The following SMAP1 variants were observed in gnomAD, a reference collection of about 807,000 sequenced individuals.
SMAP1 encodes small ArfGAP 1, also known as stromal membrane-associated protein 1.
Under a neutral mutation model 58.5 loss-of-function variants are expected in SMAP1, and 24 were observed. That is an observed-to-expected ratio of 0.41 (90% confidence interval 0.30 to 0.58). The LOEUF (loss-of-function observed/expected upper bound fraction) is 0.58. Ranked by LOEUF, SMAP1 falls within the 20% of genes least tolerant of loss-of-function variation. The pLI, the probability that SMAP1 is intolerant of heterozygous loss-of-function variation, is 0.29. For missense variants in SMAP1, 563 were observed against 566.3 expected, an observed-to-expected ratio of 0.99 and a Z score of 0.06; for synonymous variants, 216 against 196.6, an observed-to-expected ratio of 1.10 and a Z score of -0.82.
At chr6:70,815,496 T>C (rs1324995181) in intron 6 of SMAP1, among the ~76,000 whole-genome samples, 2 of 152,180 alleles carry the variant, frequency 1.3e-5, no homozygotes, top group Admixed American at 6.5e-5. Flanking sequence ...AAAAACATTT[T>C]TAAGGTCCTC....
intron 1 of SMAP1, among the ~76,000 whole-genome samples, chr6:70,719,475 C>G (rs1037195236): frequency 1.3e-5 from 2 of 152,190 alleles, no homozygotes; most frequent in Non-Finnish European, 2.9e-5. Context: ...TTTTACCACA[C>G]TTATTCTCTT....
Position 70,857,044 on chromosome 6 carries a change from A to G in SMAP1, c.961+14A>G. On this transcript the variant is annotated intron_variant, in intron 9 of 10. Coordinates refer to ENST00000370455, the MANE Select transcript of SMAP1 (RefSeq NM_001044305.3). ...AAAGTACTCCTGGTAATGAATTTTG[A>G]TATCTGCTTTCAGTGACATTACTAG... 1.9e-6 allele frequency: 3 copies of G among 1,589,156 alleles called. No individual in the cohort carries two copies. The highest frequency in any genetic ancestry group is 1.2e-5 in the South Asian group (1 of 86,532).
chr6:70,828,508 TACA>T (rs1213346377), intron 6 of SMAP1, among the ~76,000 whole-genome samples: 3 of 152,210 alleles, frequency 2.0e-5, no homozygotes, highest in African/African-American at 7.2e-5. Flanking sequence ...GCCTCCCACC[TACA>T]ACAATGGTGG....
At chr6:70,837,606 C>G (rs933825693) in intron 7 of SMAP1, among the ~76,000 whole-genome samples, 2 of 150,696 alleles carry the variant, frequency 1.3e-5, no homozygotes, top group Admixed American at 6.6e-5. Context: ...AGTAAACAGG[C>G]CTTCATTCAA....
At chr6:70,793,731 A>AT (rs1216816903) in intron 5 of SMAP1, among the ~76,000 whole-genome samples, 1 of 150,922 alleles carries the variant, frequency 6.6e-6, no homozygotes, top group African/African-American at 2.4e-5. Flanking sequence ...TTATTTATTT[A>AT]TTTTTTTGAG....
chr6:70,806,068 G>A (rs1242839751), intron 6 of SMAP1, among the ~76,000 whole-genome samples: 3 of 152,228 alleles, frequency 2.0e-5, no homozygotes, highest in African/African-American at 7.2e-5. Flanking sequence ...GTTTAAGTCT[G>A]CAGAAGTTTC....
chr6:70,852,442 T>C (rs1771221056), intron 7 of SMAP1, 98 bp from the exon 8 acceptor site: 1 of 1,215,742 alleles, frequency 8.2e-7, no homozygotes, highest in Admixed American at 3.1e-5. Flanking sequence ...TTTTGAACTG[T>C]TCTTTTTTTT....
In SMAP1 at chr6:70,742,795, G is replaced by T. The variant is rs1344587606; in HGVS notation, c.252+10284G>T. Among the ~76,000 whole-genome samples the T allele has an allele frequency of 3.3e-5, 5 of 152,166 alleles. No individual in the cohort carries two copies. The East Asian group carries it at 9.6e-4, about 29-fold the overall frequency. On this transcript the variant is annotated intron_variant, in intron 2 of 10. Transcript: ENST00000370455. ...TGGACTCACAGTTTCACATGCCTGGGGAGGCCTCACAATCATGGCAGAAGG... is the reference window on the plus strand; with the variant it reads ...TGGACTCACAGTTTCACATGCCTGGTGAGGCCTCACAATCATGGCAGAAGG...
At chr6:70,739,014 T>C (rs1765718647) in intron 2 of SMAP1, among the ~76,000 whole-genome samples, 1 of 152,188 alleles carries the variant, frequency 6.6e-6, no homozygotes, top group African/African-American at 2.4e-5. Flanking sequence ...TAAAGTACAA[T>C]ATTTGTGTGG....
In SMAP1 at chr6:70,787,823, G is replaced by T. The variant is rs928540119; in HGVS notation, c.415-3866G>T. 5.9e-4 allele frequency among the ~76,000 whole-genome samples: 90 copies of T among 151,644 alleles called. 1 individual carries two copies. The highest frequency in any genetic ancestry group is 2.1e-3 in the African/African-American group (89 of 41,408). On this transcript the variant is annotated intron_variant, in intron 4 of 10. Coordinates refer to ENST00000370455, the MANE Select transcript of SMAP1 (RefSeq NM_001044305.3). ...CAACAGGTGCTGGAGAGGATGTGGA[G>T]AAATAGGAACACTTTTACACTGTTG... is the stretch of plus-strand genomic sequence containing the variant.
chr6:70,717,725 C>A (rs1280970681), intron 1 of SMAP1, among the ~76,000 whole-genome samples: 1 of 152,162 alleles, frequency 6.6e-6, no homozygotes, highest in Non-Finnish European at 1.5e-5. Context: ...ATTTTCAGAT[C>A]ACATTTTTAG....
intron 4 of SMAP1, among the ~76,000 whole-genome samples, chr6:70,781,837 A>G (rs986819461): frequency 1.3e-5 from 2 of 152,216 alleles, no homozygotes; most frequent in African/African-American, 4.8e-5. Context: ...TTACGTGGTC[A>G]GTTTTTCTTT....
chr6:70,784,537 T>A (rs34152588), intron 4 of SMAP1, among the ~76,000 whole-genome samples: 7,820 of 152,212 alleles, frequency 0.051, 276 homozygotes, highest in Middle Eastern at 0.082. Flanking sequence ...GACCCATCAG[T>A]GTGCTGTATT....
chr6:70,815,239 C>T (rs1387418922), intron 6 of SMAP1, among the ~76,000 whole-genome samples: 1 of 152,040 alleles, frequency 6.6e-6, no homozygotes, highest in Non-Finnish European at 1.5e-5. Context: ...AGAATACCTA[C>T]CCAGAGGACC....
intron 1 of SMAP1, among the ~76,000 whole-genome samples, chr6:70,695,885 G>T (rs1767381713): frequency 6.6e-6 from 1 of 152,166 alleles, no homozygotes; most frequent in South Asian, 2.1e-4. Flanking sequence ...ATAGAATTCA[G>T]CAGTGAAGCC....
At chr6:70,746,311 G>A (rs1766031019) in intron 2 of SMAP1, among the ~76,000 whole-genome samples, 1 of 152,118 alleles carries the variant, frequency 6.6e-6, no homozygotes, top group South Asian at 2.1e-4. Flanking sequence ...CTGTGGGTTT[G>A]TCATAAATAG....
At position 70,837,133 on chromosome 6, in the gene SMAP1, G is replaced by A. The variant is rs1164247711; in HGVS notation, c.664+105G>A. ...ATCTTGAGTATGCCAAAACGTACCTGTTAACTGAATTTGAAAATGGTATGA... is the reference window on the plus strand; with the variant it reads ...ATCTTGAGTATGCCAAAACGTACCTATTAACTGAATTTGAAAATGGTATGA... On this transcript the variant is annotated intron_variant, in intron 7 of 10. Transcript: ENST00000370455. 6.9e-6 allele frequency: 5 copies of A among 728,492 alleles called. No homozygotes were observed. The Admixed American group carries it at 1.9e-4, about 28-fold the overall frequency. 45.1% of individuals were successfully genotyped at this position (728,492 alleles called of 1,614,324 possible).
intron 2 of SMAP1, among the ~76,000 whole-genome samples, chr6:70,737,119 T>A (rs1765647897): frequency 6.6e-6 from 1 of 152,226 alleles, no homozygotes. Context: ...TTGGTTGTGC[T>A]ATTGTCCTTG....
At chr6:70,857,643 A>G in intron 9 of SMAP1, 1 of 425,054 alleles carries the variant, frequency 2.4e-6, no homozygotes, top group Non-Finnish European at 4.3e-6. Context: ...CATGCTACAT[A>G]GTTTGGTCTT....
Sources: gnomAD v4.1 joint callset for allele counts (sites outside exome capture counted in the v4.1 genomes callset) on GRCh38, gnomAD v4.1.1 for gene constraint, MANE v1.5 for transcripts, NCBI Gene and HGNC (gene_info 2026-07-23, HGNC 2026-07-21) for gene names.